NPAS3: variants seen among roughly 807,000 people sequenced by gnomAD.
The protein encoded by NPAS3 is neuronal PAS domain-containing protein 3.
A neutral mutation model predicts 73.1 loss-of-function variants in NPAS3; 14 were observed. That is an observed-to-expected ratio of 0.19 (90% CI 0.13 to 0.30). NPAS3 has a LOEUF of 0.30. Among genes scored for constraint, NPAS3 ranks in the 10% least tolerant of loss-of-function variants. The probability of loss-of-function intolerance (pLI) is 1.00; values close to 1 mark genes in which losing one functional copy is unlikely to be tolerated. For synonymous variants in NPAS3, 620 were observed against 541.5 expected (o/e 1.14, Z -2.01); for missense variants, 1,096 against 1,250.0 (o/e 0.88, Z 1.86).
At chr14:33,065,955 T>C (rs1267486733) in intron 2 of NPAS3, among the ~76,000 whole-genome samples, 1 of 152,074 alleles carries the variant, frequency 6.6e-6, no homozygotes. Flanking sequence ...AAAAACTGTT[T>C]TAGGAGTAAA....
chr14:33,661,989 G>A (rs1050146681), intron 5 of NPAS3, among the ~76,000 whole-genome samples: 1 of 152,226 alleles, frequency 6.6e-6, no homozygotes, highest in African/African-American at 2.4e-5. Flanking sequence ...ATAACCACAT[G>A]TAAAGCTTGT....
intron 4 of NPAS3, among the ~76,000 whole-genome samples, chr14:33,522,603 C>G (rs936278872): frequency 1.3e-5 from 2 of 152,088 alleles, no homozygotes; most frequent in Non-Finnish European, 2.9e-5. Context: ...AAACAATACC[C>G]CCATTTTTCG....
intron 1 of NPAS3, among the ~76,000 whole-genome samples, chr14:33,016,931 C>T (rs57607571): frequency 1.3e-5 from 2 of 152,094 alleles, no homozygotes; most frequent in Non-Finnish European, 2.9e-5. Flanking sequence ...GAAAGAAACA[C>T]TACTAAATTC....
chr14:33,006,517 G>A (rs2039009082), intron 1 of NPAS3, among the ~76,000 whole-genome samples: 1 of 152,084 alleles, frequency 6.6e-6, no homozygotes, highest in South Asian at 2.1e-4. Flanking sequence ...GTAACCATGG[G>A]TTACCACAGC....
intron 3 of NPAS3, among the ~76,000 whole-genome samples, chr14:33,279,397 A>T (rs1345010151): frequency 6.6e-6 from 1 of 152,152 alleles, no homozygotes; most frequent in Non-Finnish European, 1.5e-5. Context: ...CACTTTAGGT[A>T]CATGGACACG....
intron 9 of NPAS3, among the ~76,000 whole-genome samples, chr14:33,793,452 CAAAGACGAGGGGT>C (rs1305678780): frequency 6.6e-6 from 1 of 152,184 alleles, no homozygotes; most frequent in East Asian, 1.9e-4. Context: ...GAGAAACGAT[CAAAGACGAGGGGT>C]AAAGCATCTT....
intron 2 of NPAS3, among the ~76,000 whole-genome samples, chr14:33,187,201 C>T (rs1243133928): frequency 6.6e-6 from 1 of 152,140 alleles, no homozygotes; most frequent in East Asian, 1.9e-4. Context: ...CTTATAGGGT[C>T]TTGCCTGTGG....
intron 7 of NPAS3, among the ~76,000 whole-genome samples, chr14:33,747,526 A>G (rs562577547): frequency 4.4e-4 from 67 of 152,328 alleles, no homozygotes; most frequent in African/African-American, 1.6e-3. Context: ...TCACAATGTG[A>G]TTTGAGTAAT....
chr14:33,237,375 G>A (rs914231691), intron 3 of NPAS3, among the ~76,000 whole-genome samples: 1 of 152,072 alleles, frequency 6.6e-6, no homozygotes, highest in Non-Finnish European at 1.5e-5. Context: ...CATCACCTAA[G>A]TACCAGCAAC....
chr14:33,269,268 TC>T (rs1443978106), intron 3 of NPAS3, among the ~76,000 whole-genome samples: 1 of 152,162 alleles, frequency 6.6e-6, no homozygotes, highest in East Asian at 1.9e-4. Context: ...TAAAGTTTAA[TC>T]CACACAACAC....
chr14:33,432,496 G>A (rs1566897955), intron 4 of NPAS3, among the ~76,000 whole-genome samples: 1 of 152,116 alleles, frequency 6.6e-6, no homozygotes, highest in Non-Finnish European at 1.5e-5. Flanking sequence ...CCATTGGCTG[G>A]TTTGGAATAA....
intron 6 of NPAS3, among the ~76,000 whole-genome samples, chr14:33,694,593 G>A (rs1167119965): frequency 8.6e-5 from 13 of 152,026 alleles, no homozygotes; most frequent in African/African-American, 2.2e-4. Flanking sequence ...TTCACAGGTC[G>A]ACCTGCCCTT....
chr14:32,942,291 CATTT>C (rs1465467286), intron 1 of NPAS3, among the ~76,000 whole-genome samples: 1 of 152,132 alleles, frequency 6.6e-6, no homozygotes, highest in African/African-American at 2.4e-5. Context: ...TGAATTGTCT[CATTT>C]ATTTATGAAA....
chr14:33,331,133 G>T (rs1261180128), intron 3 of NPAS3, among the ~76,000 whole-genome samples: 2 of 152,144 alleles, frequency 1.3e-5, no homozygotes, highest in African/African-American at 4.8e-5. Context: ...ATTCAAGCTT[G>T]TAAATCAGGA....
chr14:33,410,911 G>T lies in NPAS3; in HGVS notation c.468+43643G>T, dbSNP rs182499253. On this transcript the variant is annotated intron_variant, in intron 4 of 11. Coordinates refer to ENST00000356141, the Ensembl canonical transcript of NPAS3. Reference sequence around the variant, plus strand: ...TCCACCCACCTTGGCCTCCCAAAGTGCTGGGATTACAGGAGTGAGCCACCG... The same window carrying T: ...TCCACCCACCTTGGCCTCCCAAAGTTCTGGGATTACAGGAGTGAGCCACCG... Among the ~76,000 whole-genome samples the T allele has an allele frequency of 1.4e-4, 21 of 152,270 alleles. No individual in the cohort carries two copies. The East Asian group carries it at 3.9e-3, about 28-fold the overall frequency.
intron 5 of NPAS3, among the ~76,000 whole-genome samples, chr14:33,562,916 C>CACACACAA (rs1380954522): frequency 3.3e-5 from 5 of 152,032 alleles, no homozygotes; most frequent in Admixed American, 3.3e-4. Context: ...CACACACACA[C>CACACACAA]ACCCTTAATC....
chr14:33,564,803 G>A (rs996282473), intron 5 of NPAS3, among the ~76,000 whole-genome samples: 1 of 152,204 alleles, frequency 6.6e-6, no homozygotes, highest in Non-Finnish European at 1.5e-5. Context: ...GTGCATTCAA[G>A]TTAATATAGG....
rs544036753 is a variant in NPAS3, at chr14:33,638,429, G to A, written c.559-37782G>A. ...CAGTTCTTCTACTTACTATCTACGT[G>A]ATGTTGGATAAACTTTTTAACCTCT... On this transcript the variant is annotated intron_variant, in intron 5 of 11. Coordinates refer to ENST00000356141, the Ensembl canonical transcript of NPAS3. Among the ~76,000 whole-genome samples, 5 of 152,288 alleles carry A rather than the reference G, an allele frequency of 3.3e-5. No individual in the cohort carries two copies. The East Asian group carries it at 9.7e-4, about 29-fold the overall frequency.
chr14:32,987,707 A>G (rs913150380), intron 1 of NPAS3, among the ~76,000 whole-genome samples: 56 of 152,300 alleles, frequency 3.7e-4, no homozygotes, highest in African/African-American at 1.3e-3. Flanking sequence ...AAAAGTGTAA[A>G]TTTTAAAGAC....
Sources: gnomAD v4.1 joint callset for allele counts (sites outside exome capture counted in the v4.1 genomes callset) on GRCh38, gnomAD v4.1.1 for gene constraint, MANE v1.5 for transcripts, NCBI Gene and HGNC (gene_info 2026-07-23, HGNC 2026-07-21) for gene names.